The following PCDH15 variants were observed in gnomAD, a reference collection of about 807,000 sequenced individuals.
PCDH15 encodes the protein protocadherin-15.
PCDH15 carries 129 observed loss-of-function variants against 178.5 expected under a neutral mutation model. The ratio of observed to expected loss-of-function variants is 0.72; its 90% CI spans 0.63 to 0.84. PCDH15 has a LOEUF of 0.84. PCDH15 is among the 40% of genes least tolerant of loss of function. PCDH15 has a pLI of 0.00. For missense variants in PCDH15, 2,230 were observed against 2,099.9 expected, an observed-to-expected ratio of 1.06 and a Z score of -1.21; for synonymous variants, 800 against 732.0, an observed-to-expected ratio of 1.09 and a Z score of -1.50.
chr10:54,339,999 C>G (rs1941934934), intron 6 of PCDH15, among the ~76,000 whole-genome samples: 1 of 152,132 alleles, frequency 6.6e-6, no homozygotes, highest in African/African-American at 2.4e-5. Context: ...ACTGCAAGAC[C>G]TCATTGCAAT....
chr10:53,848,360 A>AG, intron 28 of PCDH15, among the ~76,000 whole-genome samples: 1 of 152,146 alleles, frequency 6.6e-6, no homozygotes, highest in South Asian at 2.1e-4. Context: ...TGATAAAATA[A>AG]TATATAATGA....
intron 13 of PCDH15, among the ~76,000 whole-genome samples, chr10:54,179,246 A>G (rs1176514844): frequency 1.3e-5 from 2 of 150,948 alleles, no homozygotes; most frequent in Non-Finnish European, 3.0e-5. Flanking sequence ...CCATAAAAAA[A>G]GGATAAGTTC....
intron 8 of PCDH15, among the ~76,000 whole-genome samples, chr10:54,269,170 A>T (rs928109111): frequency 6.6e-6 from 1 of 152,022 alleles, no homozygotes; most frequent in Non-Finnish European, 1.5e-5. Context: ...GTTAGGCTGC[A>T]TATGTTCAGC....
chr10:54,147,943 A>C (rs2044151381), intron 14 of PCDH15, among the ~76,000 whole-genome samples: 1 of 151,986 alleles, frequency 6.6e-6, no homozygotes, highest in African/African-American at 2.4e-5. Context: ...GGGACTGCTG[A>C]GCCAAGTCAA....
At chr10:55,003,198 C>T (rs1024770598) in intron 2 of PCDH15, among the ~76,000 whole-genome samples, 1 of 152,044 alleles carries the variant, frequency 6.6e-6, no homozygotes, top group Non-Finnish European at 1.5e-5. Context: ...TGCTTTGATT[C>T]TTCTAAAAAG....
Position 55,520,211 on chromosome 10 carries a change from ATATATATACACGCAATGTG to A in PCDH15, c.-156+107395_-156+107413del, listed in dbSNP as rs1414693111. On this transcript the variant is annotated intron_variant, in intron 2 of 5. Coordinates refer to the PCDH15 transcript ENST00000613346. Reference sequence around the variant, plus strand: ...ATATATATATACACGCAATGTGTATATATATATACACGCAATGTGTATATATATATACACGCAATGTGTA... The same window carrying A: ...ATATATATATACACGCAATGTGTATATATATATATATACACGCAATGTGTA... Among the ~76,000 whole-genome samples, 38 of 67,496 alleles carry A rather than the reference ATATATATACACGCAATGTG, an allele frequency of 5.6e-4. 3 individuals are homozygous for A. The highest frequency in any genetic ancestry group is 5.6e-3 in the East Asian group (11 of 1,968). The allele number at this position is 67,496 out of a possible 152,430, so 44.3% of individuals were successfully genotyped here.
intron 3 of PCDH15, among the ~76,000 whole-genome samples, chr10:54,893,346 T>A (rs1027002076): frequency 3.9e-5 from 6 of 152,144 alleles, no homozygotes; most frequent in African/African-American, 1.4e-4. Context: ...GTGATTACCA[T>A]TGATTGAATA....
chr10:55,371,531 C>T (rs1453853276), intron 2 of PCDH15, among the ~76,000 whole-genome samples: 1 of 152,034 alleles, frequency 6.6e-6, no homozygotes, highest in Non-Finnish European at 1.5e-5. Context: ...GAATTTCTCA[C>T]CTTGCTGTTC....
intron 2 of PCDH15, among the ~76,000 whole-genome samples, chr10:54,601,435 T>A (rs2092525963): frequency 6.6e-6 from 1 of 151,888 alleles, no homozygotes; most frequent in African/African-American, 2.4e-5. Flanking sequence ...AAAAGTATTT[T>A]AAAAAAGCTC....
rs773404494 is a variant in PCDH15, at chr10:53,938,830, G to T, written c.3358C>A (p.Arg1120=). 6.2e-7 allele frequency: 1 copy of T among 1,613,200 alleles called. No individual in the cohort carries two copies. Among genetic ancestry groups the T allele is most frequent in the South Asian group, 1.1e-5 (1 of 91,068 alleles). Residue 1120 remains arginine, a synonymous_variant, in exon 25 of 38, where the codon CGA becomes AGA. Coordinates refer to ENST00000644397, the MANE Select transcript of PCDH15 (RefSeq NM_001384140.1). ...DSLEVVLANL[R]VPSKSNTAKV... ...TATAACTTACTTTTTGAAGGAACTC[G>T]GAGATTGGCAAGGACCACTTCCAGG... is the stretch of plus-strand genomic sequence containing the variant.
intron 2 of PCDH15, among the ~76,000 whole-genome samples, chr10:54,573,143 A>G (rs11004392): frequency 0.14 from 21,614 of 152,044 alleles, 1,814 homozygotes; most frequent in Non-Finnish European, 0.18. Flanking sequence ...TTTTCTATCA[A>G]TTTCAGGAGT....
Position 55,420,087 on chromosome 10 carries a change from A to G in PCDH15, c.-156+207538T>C, listed in dbSNP as rs553531621. Among the ~76,000 whole-genome samples, 56 of 151,836 alleles carry G rather than the reference A, an allele frequency of 3.7e-4. No homozygotes were observed. In the East Asian group the frequency reaches 7.5e-3, roughly 20 times the overall value. ...ACTGATCTAAACTGGGCTTGCATCCATCCCACATATTGCTTATACTCCTCA... is the reference window on the plus strand; with the variant it reads ...ACTGATCTAAACTGGGCTTGCATCCGTCCCACATATTGCTTATACTCCTCA... On this transcript the variant is annotated intron_variant, in intron 2 of 5. Coordinates refer to the PCDH15 transcript ENST00000613346.
At chr10:53,994,345 A>G (rs549150189) in intron 21 of PCDH15, among the ~76,000 whole-genome samples, 4 of 152,238 alleles carry the variant, frequency 2.6e-5, no homozygotes, top group Non-Finnish European at 5.9e-5. Flanking sequence ...TTTTAAATGT[A>G]TGTTAGTATT....
chr10:54,549,386 T>C (rs147779643), intron 2 of PCDH15, among the ~76,000 whole-genome samples: 10 of 152,048 alleles, frequency 6.6e-5, no homozygotes, highest in African/African-American at 2.4e-4. Context: ...TTAGCTACAA[T>C]TGTCTTCTAA....
chr10:55,295,161 C>A (rs536137397), intron 1 of PCDH15, among the ~76,000 whole-genome samples: 5 of 152,126 alleles, frequency 3.3e-5, no homozygotes, highest in Non-Finnish European at 7.4e-5. Context: ...TTCTAACATA[C>A]CACTCCTGTG....
At chr10:54,102,218 C>T (rs1424917445) in intron 15 of PCDH15, among the ~76,000 whole-genome samples, 1 of 152,174 alleles carries the variant, frequency 6.6e-6, no homozygotes, top group East Asian at 1.9e-4. Flanking sequence ...AATTCTTCCT[C>T]ACAGCTTCAG....
intron 15 of PCDH15, among the ~76,000 whole-genome samples, chr10:54,110,319 A>T (rs1396714031): frequency 3.1e-5 from 2 of 63,796 alleles, no homozygotes; most frequent in Admixed American, 3.2e-4. Context: ...TGGAAAGATT[A>T]AAAAAAAAAA....
intron 2 of PCDH15, among the ~76,000 whole-genome samples, chr10:55,464,656 G>GTATATA (rs747775959): frequency 1.1e-4 from 1 of 8,768 alleles, no homozygotes; most frequent in Non-Finnish European, 1.5e-4. Context: ...ATATATATAT[G>GTATATA]TGTGTGTGTG....
intron 5 of PCDH15, among the ~76,000 whole-genome samples, chr10:54,362,581 G>A (rs1482695493): frequency 6.6e-6 from 1 of 151,992 alleles, no homozygotes; most frequent in Non-Finnish European, 1.5e-5. Context: ...AACAGAACTT[G>A]ATTAAACACA....
Sources: allele counts gnomAD v4.1 joint callset (sites outside exome capture counted in the v4.1 genomes callset), GRCh38; gene constraint gnomAD v4.1.1; transcripts MANE v1.5; gene names NCBI Gene and HGNC (gene_info 2026-07-23, HGNC 2026-07-21).